Variants in PAQR5 observed in about 807,000 individuals in gnomAD.
PAQR5 encodes the protein progestin and adipoQ receptor family member 5.
In PAQR5, 20 loss-of-function variants were observed where a neutral mutation model predicts 34.5. The ratio of observed to expected loss-of-function variants is 0.58; its 90% confidence interval spans 0.41 to 0.84. The LOEUF is 0.84. Among genes scored for constraint, PAQR5 ranks in the 40% least tolerant of loss-of-function variants. PAQR5 has a pLI of 0.00. For missense variants in PAQR5, 378 were observed against 412.7 expected, an observed-to-expected ratio of 0.92 and a Z score of 0.73; for synonymous variants, 131 against 155.6, an observed-to-expected ratio of 0.84 and a Z score of 1.18.
chr15:69,314,138 A>C (rs370436036), intron 1 of PAQR5, among the ~76,000 whole-genome samples: 5 of 151,952 alleles, frequency 3.3e-5, no homozygotes, highest in African/African-American at 1.2e-4. Context: ...CCAATTGTTC[A>C]TTTCTTCGAT....
chr15:69,401,823 G>A lies in PAQR5; in HGVS notation c.751+1708G>A, dbSNP rs2056637194. Among the ~76,000 whole-genome samples, 5 of 152,182 alleles carry A rather than the reference G, an allele frequency of 3.3e-5. No homozygotes were observed. In the South Asian group the frequency reaches 1.0e-3, roughly 32 times the overall value. On this transcript the variant is annotated intron_variant, in intron 8 of 8. Coordinates refer to ENST00000395407, the MANE Select transcript of PAQR5 (RefSeq NM_017705.4). ...AACTCTGCTCCTGCTCAATAGTAGA[G>A]GTGGCCAGGCCGGTTCATTCCTAGG...
At chr15:69,371,724 C>T (rs2055568344) in intron 3 of PAQR5, among the ~76,000 whole-genome samples, 1 of 152,012 alleles carries the variant, frequency 6.6e-6, no homozygotes, top group South Asian at 2.1e-4. Context: ...ATGTGCGACT[C>T]CTTTGGTTTA....
intron 1 of PAQR5, among the ~76,000 whole-genome samples, chr15:69,326,073 A>C (rs2054244423): frequency 6.6e-6 from 1 of 152,120 alleles, no homozygotes; most frequent in Admixed American, 6.6e-5. Flanking sequence ...CATGCAAATC[A>C]AACTCAACTT....
chr15:69,304,325 G>C (rs535476205), intron 1 of PAQR5, among the ~76,000 whole-genome samples: 2 of 152,334 alleles, frequency 1.3e-5, no homozygotes, highest in Admixed American at 1.3e-4. Context: ...AAGTACGCCT[G>C]TTGCAACATG....
At chr15:69,326,420 G>A (rs1349770193) in intron 1 of PAQR5, among the ~76,000 whole-genome samples, 1 of 146,568 alleles carries the variant, frequency 6.8e-6, no homozygotes. Context: ...GGGTTTTTAT[G>A]TTGACAGCTC....
intron 2 of PAQR5, among the ~76,000 whole-genome samples, chr15:69,357,827 A>T (rs984231816): frequency 1.3e-5 from 2 of 152,212 alleles, no homozygotes; most frequent in Non-Finnish European, 2.9e-5. Context: ...AACAACTTCA[A>T]GTTCAAACTA....
At chr15:69,396,663 G>A (rs748995027) in intron 6 of PAQR5, among the ~76,000 whole-genome samples, 4 of 152,118 alleles carry the variant, frequency 2.6e-5, no homozygotes, top group Non-Finnish European at 5.9e-5. Flanking sequence ...CTGTGATTTT[G>A]TGCAGAGACC....
intron 3 of PAQR5, among the ~76,000 whole-genome samples, chr15:69,364,833 G>T (rs1465040209): frequency 1.3e-5 from 2 of 151,370 alleles, no homozygotes; most frequent in African/African-American, 4.8e-5. Flanking sequence ...CCGCCTCCCA[G>T]GTTCAAGCAA....
chr15:69,317,064 C>T (rs185358827), intron 1 of PAQR5, among the ~76,000 whole-genome samples: 1 of 152,202 alleles, frequency 6.6e-6, no homozygotes, highest in Admixed American at 6.5e-5. Context: ...AGGTGATCTG[C>T]CCGCCTCAGC....
intron 3 of PAQR5, among the ~76,000 whole-genome samples, chr15:69,374,375 G>T (rs1408338009): frequency 6.6e-6 from 1 of 152,144 alleles, no homozygotes; most frequent in Non-Finnish European, 1.5e-5. Flanking sequence ...GAAATGATAG[G>T]TTATAATTGC....
intron 2 of PAQR5, among the ~76,000 whole-genome samples, chr15:69,346,098 C>G (rs2054761628): frequency 6.6e-6 from 1 of 152,050 alleles, no homozygotes; most frequent in Non-Finnish European, 1.5e-5. Context: ...GATAACCAGC[C>G]AAGCTGCTGT....
At chr15:69,391,325 G>T (rs1182630165) in intron 6 of PAQR5, 1 of 157,262 alleles carries the variant, frequency 6.4e-6, no homozygotes, top group Non-Finnish European at 1.4e-5. Context: ...TTTTGTTTCT[G>T]TTTTTTATTT....
intron 2 of PAQR5, among the ~76,000 whole-genome samples, chr15:69,348,584 C>T (rs1248250679): frequency 6.6e-6 from 1 of 152,114 alleles, no homozygotes; most frequent in Non-Finnish European, 1.5e-5. Context: ...TAGTTGGGTA[C>T]TGTGAGGGTT....
At chr15:69,305,257 G>A (rs965487150) in intron 1 of PAQR5, among the ~76,000 whole-genome samples, 2 of 152,042 alleles carry the variant, frequency 1.3e-5, no homozygotes, top group Non-Finnish European at 2.9e-5. Flanking sequence ...ATGTCCTCTC[G>A]GGGACACTCC....
chr15:69,382,696 ATATATATATG>A (rs1567032598), intron 4 of PAQR5, among the ~76,000 whole-genome samples: 9 of 92,224 alleles, frequency 9.8e-5, no homozygotes, highest in South Asian at 4.1e-4. Context: ...ATATATATAT[ATATATATATG>A]TATGTATGTA....
chr15:69,303,844 G>T (rs2053657858), intron 1 of PAQR5, among the ~76,000 whole-genome samples: 1 of 152,202 alleles, frequency 6.6e-6, no homozygotes, highest in Non-Finnish European at 1.5e-5. Context: ...CAGATCTTGT[G>T]CAGGCCTCTA....
intron 1 of PAQR5, among the ~76,000 whole-genome samples, chr15:69,327,332 T>C (rs2054277467): frequency 6.6e-6 from 1 of 152,132 alleles, no homozygotes; most frequent in South Asian, 2.1e-4. Flanking sequence ...ATCAGAAGTC[T>C]CTGCTTTCTA....
chr15:69,355,165 ATCTC>A (rs111764681), intron 2 of PAQR5, among the ~76,000 whole-genome samples: 71 of 145,100 alleles, frequency 4.9e-4, no homozygotes, highest in Admixed American at 4.7e-3. Context: ...CCTGTCACCC[ATCTC>A]TCTCTCTCTC....
At chr15:69,358,066 A>G (rs1156500265) in intron 2 of PAQR5, among the ~76,000 whole-genome samples, 1 of 152,142 alleles carries the variant, frequency 6.6e-6, no homozygotes, top group Non-Finnish European at 1.5e-5. Flanking sequence ...GATGAGGACT[A>G]TGAGGAGGGC....
Sources: allele counts gnomAD v4.1 joint callset (sites outside exome capture counted in the v4.1 genomes callset), GRCh38; gene constraint gnomAD v4.1.1; transcripts MANE v1.5; gene names NCBI Gene and HGNC (gene_info 2026-07-23, HGNC 2026-07-21).